LMBRD1: variants seen among roughly 807,000 people sequenced by gnomAD.
LMBRD1 encodes lysosomal cobalamin transport escort protein LMBD1.
LMBRD1 carries 64 observed loss-of-function variants against 74.8 expected under a neutral mutation model. That is an observed-to-expected ratio of 0.86 (90% CI 0.70 to 1.05). The LOEUF (loss-of-function observed/expected upper bound fraction) is 1.05, where lower values mean the gene tolerates loss of function less well. LMBRD1 is among the 50% of genes least tolerant of loss of function. LMBRD1 has a pLI of 0.00. For synonymous variants in LMBRD1, 204 were observed against 216.3 expected (o/e 0.94, Z 0.50); for missense variants, 652 against 645.9 (o/e 1.01, Z -0.10).
chr6:69,678,255 T>G (rs1765588157), intron 14 of LMBRD1, among the ~76,000 whole-genome samples: 1 of 152,128 alleles, frequency 6.6e-6, no homozygotes, highest in Non-Finnish European at 1.5e-5. Flanking sequence ...TATTTACTAT[T>G]AAGTGGAAGT....
chr6:69,687,238 G>C (rs1484040469), intron 14 of LMBRD1, among the ~76,000 whole-genome samples: 1 of 152,078 alleles, frequency 6.6e-6, no homozygotes, highest in African/African-American at 2.4e-5. Flanking sequence ...CTTCTTTAAA[G>C]TCATGTCACC....
chr6:69,721,905 C>T (rs1459265921), intron 7 of LMBRD1, among the ~76,000 whole-genome samples: 2 of 152,124 alleles, frequency 1.3e-5, no homozygotes, highest in African/African-American at 4.8e-5. Flanking sequence ...TTTAAGTGAA[C>T]ATTAGCAGTG....
At chr6:69,781,404 GGTCA>G in intron 2 of LMBRD1, among the ~76,000 whole-genome samples, 1 of 152,196 alleles carries the variant, frequency 6.6e-6, no homozygotes, top group East Asian at 1.9e-4. Context: ...TTAGAATCCA[GGTCA>G]GTGTTTTATA....
intron 9 of LMBRD1, among the ~76,000 whole-genome samples, chr6:69,703,985 T>C (rs1429071983): frequency 6.6e-6 from 1 of 152,120 alleles, no homozygotes; most frequent in Non-Finnish European, 1.5e-5. Context: ...GCCTATTTTC[T>C]CATGATTATA....
chr6:69,723,720 G>A (rs936126642), intron 7 of LMBRD1, among the ~76,000 whole-genome samples: 3 of 150,670 alleles, frequency 2.0e-5, no homozygotes, highest in African/African-American at 4.9e-5. Context: ...CAAAAAAGAA[G>A]AAAAACTTCA....
chr6:69,770,671 G>A (rs1258577424), intron 3 of LMBRD1, among the ~76,000 whole-genome samples: 1 of 152,174 alleles, frequency 6.6e-6, no homozygotes, highest in Non-Finnish European at 1.5e-5. Context: ...TACCTACTAT[G>A]TGCCAATATC....
intron 14 of LMBRD1, among the ~76,000 whole-genome samples, chr6:69,681,748 C>T (rs4706273): frequency 0.34 from 51,137 of 151,694 alleles, 9,675 homozygotes; most frequent in East Asian, 0.54. Flanking sequence ...CACTTCATAG[C>T]TCTTGGCTGC....
chr6:69,693,996 G>T (rs1765943711), intron 14 of LMBRD1, among the ~76,000 whole-genome samples: 1 of 151,976 alleles, frequency 6.6e-6, no homozygotes, highest in Non-Finnish European at 1.5e-5. Flanking sequence ...ACATTTCAAA[G>T]AATGAGTCAA....
At chr6:69,755,746 C>T (rs1321731622) in intron 3 of LMBRD1, among the ~76,000 whole-genome samples, 1 of 152,022 alleles carries the variant, frequency 6.6e-6, no homozygotes, top group Non-Finnish European at 1.5e-5. Context: ...AGTGAATTAG[C>T]ACAACAGACT....
intron 7 of LMBRD1, 102 bp downstream of exon 7, chr6:69,737,840 C>A (rs955078601): frequency 1.2e-6 from 1 of 837,268 alleles, no homozygotes; most frequent in African/African-American, 1.7e-5. Flanking sequence ...GAAAAAGAAT[C>A]AAAATATTAT....
At chr6:69,793,527 A>G (rs1191064573) in intron 1 of LMBRD1, among the ~76,000 whole-genome samples, 4 of 152,174 alleles carry the variant, frequency 2.6e-5, no homozygotes, top group African/African-American at 9.7e-5. Context: ...ATACAATTTA[A>G]AGGTGGTGTG....
chr6:69,718,580 A>G lies in LMBRD1; in HGVS notation c.762+376T>C, dbSNP rs540148782. Among the ~76,000 whole-genome samples the G allele has an allele frequency of 2.0e-3, 298 of 152,280 alleles. 1 individual carries two copies. The highest frequency in any genetic ancestry group is 7.0e-3 in the African/African-American group (289 of 41,568). On this transcript the variant is annotated intron_variant, in intron 8 of 15. Transcript: ENST00000649934. The stretch of plus-strand genomic sequence containing the variant: ...GCTGCGAGGCCTCAGGAAACTTACA[A>G]TCATAGCAGAAGGGTAAGCAAACAC...
rs1392999129 is a variant in LMBRD1 at position 69,790,300 on chromosome 6, A to C, written c.242T>G (p.Phe81Cys). 22 of 1,603,852 alleles carry C rather than the reference A, an allele frequency of 1.4e-5. No homozygotes were observed. The highest frequency in any genetic ancestry group is 1.9e-5 in the Non-Finnish European group (22 of 1,170,990). Reference protein sequence around the residue: ...VSYMKNQNGTFKDWANANVSR... With the variant: ...VSYMKNQNGTCKDWANANVSR... Reference sequence around the variant, plus strand: ...GCAAAGTAAGATTATATTTACCTTAAATGTACCATTTTGATTTTTCATGTA... The same window carrying C: ...GCAAAGTAAGATTATATTTACCTTACATGTACCATTTTGATTTTTCATGTA... Residue 81 changes from phenylalanine (F) to cysteine (C), a missense_variant, in exon 2 of 16, where the codon TTT becomes TGT. Phe to Cys is a radical substitution (Grantham distance 205). Transcript: ENST00000649934.
At chr6:69,742,764 T>C (rs879587800) in intron 5 of LMBRD1, among the ~76,000 whole-genome samples, 3 of 152,134 alleles carry the variant, frequency 2.0e-5, no homozygotes, top group Non-Finnish European at 4.4e-5. Context: ...TCTAATAATG[T>C]TTTCATGTAA....
chr6:69,717,574 A>G (rs1417878119), intron 8 of LMBRD1, among the ~76,000 whole-genome samples: 3 of 152,206 alleles, frequency 2.0e-5, no homozygotes, highest in Non-Finnish European at 4.4e-5. Context: ...TTTAATCTCA[A>G]TATATTAAAC....
At position 69,752,490 on chromosome 6, in the gene LMBRD1, A is replaced by G. The variant is rs6917429; in HGVS notation, c.308-134T>C. On this transcript the variant is annotated intron_variant, in intron 3 of 15. Transcript: ENST00000649934. ...ATTCCCTCTTCTCATAACTCTTTCT[A>G]TATAGTACATGATGCCCAAATAGCC... 971 of 715,666 alleles carry G rather than the reference A, an allele frequency of 1.4e-3. 4 individuals are homozygous for G. The highest frequency in any genetic ancestry group is 0.014 in the African/African-American group (761 of 56,226). The allele number at this position is 715,666 out of a possible 1,614,324, so 44.3% of individuals were successfully genotyped here.
chr6:69,776,474 T>C (rs1434577161), intron 3 of LMBRD1, among the ~76,000 whole-genome samples: 1 of 152,192 alleles, frequency 6.6e-6, no homozygotes, highest in Admixed American at 6.5e-5. Flanking sequence ...AAGGAAAATA[T>C]GTATACAGTT....
intron 2 of LMBRD1, among the ~76,000 whole-genome samples, chr6:69,785,742 G>A (rs952862434): frequency 6.6e-6 from 1 of 152,144 alleles, no homozygotes; most frequent in East Asian, 1.9e-4. Context: ...TCATATTGCA[G>A]TTAGGAGAAA....
intron 14 of LMBRD1, among the ~76,000 whole-genome samples, chr6:69,680,398 C>T (rs2149834292): frequency 6.6e-6 from 1 of 152,146 alleles, no homozygotes; most frequent in South Asian, 2.1e-4. Flanking sequence ...TTAGAAATTT[C>T]AGGGCCAGAA....
Sources: allele counts gnomAD v4.1 joint callset (sites outside exome capture counted in the v4.1 genomes callset), GRCh38; gene constraint gnomAD v4.1.1; transcripts MANE v1.5; gene names NCBI Gene and HGNC (gene_info 2026-07-23, HGNC 2026-07-21).